Variants in RAB38 observed in about 807,000 individuals in gnomAD.
RAB38 encodes ras-related protein Rab-38.
RAB38 carries 15 observed loss-of-function variants against 18.4 expected under a neutral mutation model. That is an observed-to-expected ratio of 0.82 (90% confidence interval 0.55 to 1.26). The LOEUF (loss-of-function observed/expected upper bound fraction) is 1.26. Among genes scored for constraint, RAB38 ranks in the 50% most tolerant of loss-of-function variants. The pLI is 0.00. For synonymous variants in RAB38, 101 were observed against 104.4 expected (o/e 0.97, Z 0.20); for missense variants, 294 against 267.4 (o/e 1.10, Z -0.69).
At chr11:88,056,740 C>T in the RAB38 span, among the ~76,000 whole-genome samples, 2 of 152,012 alleles carry the variant, frequency 1.3e-5, no homozygotes, top group Non-Finnish European at 2.9e-5. Flanking sequence ...GAAGGCGGAG[C>T]TTGCAGTGAG....
At chr11:87,823,107 G>T in the RAB38 span, among the ~76,000 whole-genome samples, 1 of 135,122 alleles carries the variant, frequency 7.4e-6, no homozygotes, top group Non-Finnish European at 1.7e-5. Context: ...ATAGACAAAA[G>T]AGTTAATAGA....
intron 2 of RAB38, among the ~76,000 whole-genome samples, chr11:88,130,202 C>A (rs577875779): frequency 6.6e-6 from 1 of 151,858 alleles, no homozygotes; most frequent in African/African-American, 2.4e-5. Flanking sequence ...CATGAGTAAT[C>A]CAAGGAAGAA....
chr11:87,839,801 T>C, the RAB38 span, among the ~76,000 whole-genome samples: 1 of 152,202 alleles, frequency 6.6e-6, no homozygotes, highest in South Asian at 2.1e-4. Context: ...CATCCATTCA[T>C]ATTAACTTAC....
At chr11:88,059,285 G>A in the RAB38 span, among the ~76,000 whole-genome samples, 1 of 152,170 alleles carries the variant, frequency 6.6e-6, no homozygotes, top group East Asian at 1.9e-4. Flanking sequence ...ACTCTCCTAA[G>A]TAGTGATTTC....
the RAB38 span, among the ~76,000 whole-genome samples, chr11:87,808,909 G>A: frequency 6.6e-6 from 1 of 151,942 alleles, no homozygotes. Flanking sequence ...ATTAATATTC[G>A]ATTTTCATAA....
At chr11:88,065,810 TCA>T in the RAB38 span, among the ~76,000 whole-genome samples, 41 of 152,326 alleles carry the variant, frequency 2.7e-4, no homozygotes, top group Middle Eastern at 3.4e-3. Context: ...AAGGCATTTC[TCA>T]GTTTATGTTC....
At chr11:88,152,764 A>G (rs1943079040) in intron 1 of RAB38, among the ~76,000 whole-genome samples, 13 of 152,256 alleles carry the variant, frequency 8.5e-5, no homozygotes, top group Admixed American at 3.3e-4. Flanking sequence ...CTTTTTAAAA[A>G]AATGACTATA....
At chr11:88,070,168 T>G in the RAB38 span, among the ~76,000 whole-genome samples, 1 of 152,164 alleles carries the variant, frequency 6.6e-6, no homozygotes, top group South Asian at 2.1e-4. Context: ...ACCACGAAGG[T>G]CTGCAGCTTC....
chr11:87,965,351 G>A, the RAB38 span, among the ~76,000 whole-genome samples: 1 of 151,894 alleles, frequency 6.6e-6, no homozygotes, highest in Admixed American at 6.6e-5. Flanking sequence ...AGAGGAGAAT[G>A]ATAATTCTCC....
At chr11:87,951,387 C>G in the RAB38 span, among the ~76,000 whole-genome samples, 2 of 152,100 alleles carry the variant, frequency 1.3e-5, no homozygotes, top group African/African-American at 4.8e-5. Flanking sequence ...GCCTTCTTGT[C>G]TCAACTCGTC....
the RAB38 span, among the ~76,000 whole-genome samples, chr11:87,922,394 G>A: frequency 1.2e-4 from 18 of 151,934 alleles, no homozygotes; most frequent in African/African-American, 4.1e-4. Flanking sequence ...CACTGTTTTT[G>A]TTTCAATCAT....
chr11:87,944,494 C>T, the RAB38 span, among the ~76,000 whole-genome samples: 1 of 152,104 alleles, frequency 6.6e-6, no homozygotes. Flanking sequence ...GTCCCTACAG[C>T]TCTGTGCTGA....
At chr11:88,011,776 A>G in the RAB38 span, among the ~76,000 whole-genome samples, 2 of 152,162 alleles carry the variant, frequency 1.3e-5, no homozygotes, top group Non-Finnish European at 2.9e-5. Flanking sequence ...TAGAAAATTA[A>G]GGTTCAGTGG....
chr11:87,851,828 G>T, the RAB38 span, among the ~76,000 whole-genome samples: 1,142 of 152,238 alleles, frequency 7.5e-3, 15 homozygotes, highest in African/African-American at 0.026. Flanking sequence ...TTGTAGGGGA[G>T]AAGAGGTTTT....
the RAB38 span, among the ~76,000 whole-genome samples, chr11:88,047,718 C>G: frequency 6.6e-6 from 1 of 152,180 alleles, no homozygotes; most frequent in Non-Finnish European, 1.5e-5. Context: ...TCAAAAGGCA[C>G]CAGATCCCAT....
intron 2 of RAB38, among the ~76,000 whole-genome samples, chr11:88,115,114 A>G (rs890734939): frequency 6.6e-6 from 1 of 152,234 alleles, no homozygotes; most frequent in Admixed American, 6.5e-5. Context: ...AACCTAAGAC[A>G]TATAGAAAAT....
At chr11:87,916,198 G>C in the RAB38 span, among the ~76,000 whole-genome samples, 1 of 152,060 alleles carries the variant, frequency 6.6e-6, no homozygotes, top group South Asian at 2.1e-4. Flanking sequence ...TTTTATATGA[G>C]AGATGGACAT....
intron 1 of RAB38, among the ~76,000 whole-genome samples, chr11:88,174,529 A>G (rs1342073295): frequency 2.6e-5 from 4 of 151,108 alleles, no homozygotes; most frequent in Non-Finnish European, 5.9e-5. Flanking sequence ...ACAGAGAGCC[A>G]GAGAGATAGA....
At chr11:87,854,930 G>T in the RAB38 span, among the ~76,000 whole-genome samples, 1 of 152,026 alleles carries the variant, frequency 6.6e-6, no homozygotes, top group Non-Finnish European at 1.5e-5. Flanking sequence ...GAGTAGCTGG[G>T]ACTACAGGTG....
Sources: gnomAD v4.1 joint callset for allele counts (sites outside exome capture counted in the v4.1 genomes callset) on GRCh38, gnomAD v4.1.1 for gene constraint, MANE v1.5 for transcripts, NCBI Gene and HGNC (gene_info 2026-07-23, HGNC 2026-07-21) for gene names.